Variants in P4HTM observed in about 807,000 individuals in gnomAD.
P4HTM encodes prolyl 4-hydroxylase, transmembrane, also known as transmembrane prolyl 4-hydroxylase.
Under a neutral mutation model 55.3 loss-of-function variants are expected in P4HTM, and 33 were observed. That is an observed-to-expected ratio of 0.60 (90% CI 0.45 to 0.80). The LOEUF (loss-of-function observed/expected upper bound fraction) is 0.80, where lower values mean the gene tolerates loss of function less well. P4HTM is among the 30% of genes least tolerant of loss of function. The pLI, the probability that P4HTM is intolerant of heterozygous loss-of-function variation, is 0.00. For synonymous variants in P4HTM, 272 were observed against 286.4 expected, an observed-to-expected ratio of 0.95 and a Z score of 0.51; for missense variants, 542 against 696.5, an observed-to-expected ratio of 0.78 and a Z score of 2.50.
At chr3:49,004,781 G>T (rs1273247030) in intron 5 of P4HTM, 80 bp from the exon 6 acceptor site, 27 of 1,455,602 alleles carry the variant, frequency 1.9e-5, no homozygotes, top group South Asian at 8.9e-5. Context: ...CTTGTGGCAG[G>T]CCTAGGGTCC....
At chr3:49,001,293 A>G (rs2092960298) in intron 2 of P4HTM, 145 bp from the exon 3 acceptor site, 3 of 731,022 alleles carry the variant, frequency 4.1e-6, no homozygotes, top group Non-Finnish European at 7.3e-6. Context: ...AGTCAGAATC[A>G]AGGGGTCTGT....
chr3:48,998,559 C>T (rs2092952719), intron 2 of P4HTM, among the ~76,000 whole-genome samples: 1 of 152,234 alleles, frequency 6.6e-6, no homozygotes, highest in South Asian at 2.1e-4. Context: ...TCACTCCCGC[C>T]CTCCCACTCA....
chr3:48,992,380 C>G (rs1266612717), intron 2 of P4HTM, among the ~76,000 whole-genome samples: 1 of 151,780 alleles, frequency 6.6e-6, no homozygotes, highest in Non-Finnish European at 1.5e-5. Flanking sequence ...CTGAGGCAGG[C>G]AGATCACTTC....
At chr3:49,004,689 TC>T in intron 5 of P4HTM, 171 bp from the exon 6 acceptor site, 1 of 651,578 alleles carries the variant, frequency 1.5e-6, no homozygotes, top group East Asian at 2.6e-5. Context: ...AGAAGGATCA[TC>T]ATGAGTAACC....
chr3:48,990,761 C>A lies in P4HTM; in HGVS notation c.355-72C>A. The A allele has an allele frequency of 6.5e-7, 1 of 1,543,612 alleles. No homozygotes were observed. Among genetic ancestry groups the A allele is most frequent in the Non-Finnish European group, 8.9e-7 (1 of 1,126,898 alleles). ...CACTCGCCTGCTGTCGCTCTCCGGG[C>A]CGGGGCGACTTGGCCCTTCTTGGGC... On this transcript the variant is annotated intron_variant, in intron 1 of 8. Coordinates refer to ENST00000383729, the MANE Select transcript of P4HTM (RefSeq NM_177939.3). The surrounding 1 kb of genome is among the most constrained non-coding windows in gnomAD (Gnocchi z 7.2).
At chr3:49,005,694 C>G in intron 6 of P4HTM, 83 bp from the exon 7 acceptor site, 6 of 1,502,192 alleles carry the variant, frequency 4.0e-6, no homozygotes, top group Non-Finnish European at 5.3e-6. Flanking sequence ...CAACAGGAAC[C>G]TGGGCAGCTT....
At chr3:49,000,749 CTGAT>C (rs1422387121) in intron 2 of P4HTM, among the ~76,000 whole-genome samples, 2 of 152,190 alleles carry the variant, frequency 1.3e-5, no homozygotes, top group African/African-American at 4.8e-5. Flanking sequence ...CCAGGCCTGA[CTGAT>C]CTTTACTCAG....
rs767216699 is a variant in P4HTM at position 49,006,724 on chromosome 3, G to A, written c.1326G>A (p.Gly442=). The A allele has an allele frequency of 6.2e-7, 1 of 1,613,726 alleles. No individual in the cohort carries two copies. Among genetic ancestry groups the A allele is most frequent in the Admixed American group, 1.7e-5 (1 of 60,036 alleles). The change falls in exon 9 of 9, where the codon GGG becomes GGA. Residue 442 remains glycine (G), a synonymous_variant. Transcript: ENST00000383729. Reference sequence around the variant, plus strand: ...ACGTAGACGACTACTCGCTGCACGGGGGCTGCCTGGTCACGCGCGGCACCA... The same window carrying A: ...ACGTAGACGACTACTCGCTGCACGGAGGCTGCCTGGTCACGCGCGGCACCA... ...VGDVDDYSLH[G]GCLVTRGTKW...
intron 4 of P4HTM, chr3:49,003,131 C>A (rs1421966477): frequency 8.0e-6 from 2 of 248,448 alleles, no homozygotes; most frequent in Non-Finnish European, 1.6e-5. Context: ...GGCAGGGAAG[C>A]TGTCATGCAA....
At chr3:49,001,343 C>T (rs1397091975) in intron 2 of P4HTM, 95 bp from the exon 3 acceptor site, 3 of 1,114,508 alleles carry the variant, frequency 2.7e-6, no homozygotes, top group African/African-American at 1.5e-5. Flanking sequence ...CACTGAGGGA[C>T]ATGCAGTACC....
intron 2 of P4HTM, among the ~76,000 whole-genome samples, chr3:48,995,806 G>A (rs1044708837): frequency 6.6e-6 from 1 of 151,984 alleles, no homozygotes; most frequent in Non-Finnish European, 1.5e-5. Context: ...GGCTGGTCTC[G>A]AACTCCTGAC....
At chr3:49,006,316 C>A in intron 8 of P4HTM, 129 bp downstream of exon 8, 1 of 996,818 alleles carries the variant, frequency 1.0e-6, no homozygotes. Flanking sequence ...TGGTGCCTCC[C>A]AAAGGCCATC....
In P4HTM at chr3:49,001,612, A is replaced by G. The variant is rs1420637771; in HGVS notation, c.611A>G (p.His204Arg). The G allele has an allele frequency of 6.2e-7, 1 of 1,611,182 alleles. No individual in the cohort carries two copies. The highest frequency in any genetic ancestry group is 8.5e-7 in the Non-Finnish European group (1 of 1,177,996). ...FRLLDQNRDG[H>R]LQLREVLAQT... ...CTGCTGGACCAGAACCGTGATGGGC[A>G]CCTTCAGCTCCGTGAGGTTGGAATC... is the stretch of plus-strand genomic sequence containing the variant. Residue 204 changes from histidine (H) to arginine (R), a missense_variant, in exon 3 of 9, where the codon CAC (histidine) becomes CGC (arginine). His to Arg is a conservative substitution (Grantham distance 29). Transcript: ENST00000383729.
intron 6 of P4HTM, 158 bp from the exon 7 acceptor site, chr3:49,005,619 G>A (rs2092975851): frequency 7.0e-7 from 1 of 1,424,184 alleles, no homozygotes; most frequent in Non-Finnish European, 9.2e-7. Flanking sequence ...GGGAAGGAGG[G>A]GCTAGGGACA....
At chr3:49,000,478 G>A (rs1048041331) in intron 2 of P4HTM, among the ~76,000 whole-genome samples, 2 of 152,238 alleles carry the variant, frequency 1.3e-5, no homozygotes, top group African/African-American at 4.8e-5. Context: ...TGCTGGAAGT[G>A]TAACTGAGAG....
chr3:48,994,276 G>C (rs570315212), intron 2 of P4HTM, among the ~76,000 whole-genome samples: 1 of 152,292 alleles, frequency 6.6e-6, no homozygotes, highest in East Asian at 1.9e-4. Context: ...CTGCCATGCT[G>C]TTCTTGGATC....
chr3:49,005,015 A>C lies in P4HTM; in HGVS notation c.1042A>C (p.Asn348His). The change falls in exon 6 of 9, where the codon AAC becomes CAC. Residue 348 changes from asparagine to histidine, a missense_variant. Asn to His is a moderately conservative substitution (Grantham distance 68, BLOSUM62 1). This residue lies in a region of P4HTM where 536 missense variants were observed against 672.1 expected (regional missense o/e 0.80). Coordinates refer to ENST00000383729, the MANE Select transcript of P4HTM (RefSeq NM_177939.3). ...TICSHTKLVA[N>H]ESVPFETSCR... ...CTGCTCCCATACCAAGCTGGTAGCC[A>C]ACGAGTCTGTACCCTTCGAGACCTC... 5 of 1,614,100 alleles carry C rather than the reference A, an allele frequency of 3.1e-6. No individual in the cohort carries two copies. The highest frequency in any genetic ancestry group is 4.2e-6 in the Non-Finnish European group (5 of 1,180,030).
In P4HTM at chr3:49,007,103, C is replaced by A. The variant is rs2092986324; in HGVS notation, c.*196C>A. On this transcript the variant is annotated 3_prime_UTR_variant, in exon 9 of 9. Coordinates refer to ENST00000383729, the MANE Select transcript of P4HTM (RefSeq NM_177939.3). This position sits in a 1 kb window ranked among gnomAD's most constrained non-coding sequence, Gnocchi z 5.1. ...TCCATCTGCCCCGTCAAATAAAAAA[C>A]CACAAGGTTCGAGCCGCCGGGCCCG... is the stretch of plus-strand genomic sequence containing the variant. 2.9e-6 allele frequency: 2 copies of A among 682,530 alleles called. No homozygotes were observed. The highest frequency in any genetic ancestry group is 5.5e-5 in the East Asian group (2 of 36,518). 42.3% of individuals were successfully genotyped at this position (682,530 alleles called of 1,614,324 possible). A position where few individuals can be genotyped will look rare whatever the true frequency, so the allele number is the denominator to read the frequency against.
In P4HTM at chr3:49,005,330, C is replaced by T. The variant is rs2092974078; in HGVS notation, c.1073+284C>T. 2.1e-6 allele frequency: 3 copies of T among 1,429,454 alleles called. No individual in the cohort carries two copies. The South Asian group carries it at 4.5e-5, about 22-fold the overall frequency. The allele number at this position is 1,429,454 out of a possible 1,614,324, so 88.5% of individuals were successfully genotyped here. A position where few individuals can be genotyped will look rare whatever the true frequency, so the allele number is the denominator to read the frequency against. ...TGAAGCAAGGGGCAAGGCTGGGCCC[C>T]TAGCTTGTCCTGCCCATTCCTCCAG... On this transcript the variant is annotated intron_variant, in intron 6 of 8. Coordinates refer to ENST00000383729, the MANE Select transcript of P4HTM (RefSeq NM_177939.3).
Sources: gnomAD v4.1 joint callset for allele counts (sites outside exome capture counted in the v4.1 genomes callset) on GRCh38, gnomAD v4.1.1 for gene constraint, gnomAD v4.1.1 regional missense constraint, Gnocchi (gnomAD v3.1) non-coding constraint, MANE v1.5 for transcripts, NCBI Gene and HGNC (gene_info 2026-07-23, HGNC 2026-07-21) for gene names.